Variants in BNIPL observed in about 807,000 individuals in gnomAD.
The protein encoded by BNIPL is bcl-2/adenovirus E1B 19 kDa-interacting protein 2-like protein.
A neutral mutation model predicts 47.0 loss-of-function variants in BNIPL; 33 were observed. That is an observed-to-expected ratio of 0.70 (90% CI 0.53 to 0.94). The LOEUF (loss-of-function observed/expected upper bound fraction) is 0.94. Among genes scored for constraint, BNIPL ranks in the 40% least tolerant of loss-of-function variants. The pLI is 0.00. For synonymous variants in BNIPL, 145 were observed against 162.7 expected (o/e 0.89, Z 0.83); for missense variants, 404 against 445.2 (o/e 0.91, Z 0.83).
intron 4 of BNIPL, among the ~76,000 whole-genome samples, chr1:151,040,949 G>A (rs1675800535): frequency 6.6e-6 from 1 of 152,184 alleles, no homozygotes; most frequent in African/African-American, 2.4e-5. Flanking sequence ...GGGAGGCTGA[G>A]GAGGGCAGAT....
chr1:151,045,029 C>T (rs1675959090), intron 7 of BNIPL: 38 of 1,115,000 alleles, frequency 3.4e-5, no homozygotes, highest in Non-Finnish European at 4.2e-5. Flanking sequence ...CTTTGGAAGG[C>T]CGAGGTGGGC....
rs150951979 is a variant in BNIPL, at chr1:151,043,704, G to C, written c.828G>C (p.Gln276His). 3 of 1,613,910 alleles carry C rather than the reference G, an allele frequency of 1.9e-6. No homozygotes were observed. Among genetic ancestry groups the C allele is most frequent in the African/African-American group, 1.3e-5 (1 of 74,914 alleles). The change falls in exon 7 of 10, where the codon CAG becomes CAC. Residue 276 changes from glutamine (Q) to histidine (H), a missense_variant. Physicochemically the swap from Gln to His is conservative, Grantham distance 24. Coordinates refer to ENST00000368931, the MANE Select transcript of BNIPL (RefSeq NM_138278.4). ...AQVPPLSWIR[Q>H]CYRTLDRRLR... is the part of the protein sequence containing the mutation. Reference sequence around the variant, plus strand: ...TTCCACCTCTAAGCTGGATACGTCAGTGTTACCGTACCCTGGATCGGCGGT... The same window carrying C: ...TTCCACCTCTAAGCTGGATACGTCACTGTTACCGTACCCTGGATCGGCGGT...
rs1675773543 is a variant in BNIPL at position 151,040,329 on chromosome 1, G to A, written c.433+1303G>A. The stretch of plus-strand genomic sequence containing the variant: ...CAAGTATCTGGGACTATAGGCCCAC[G>A]CCACCAAACCTGGCTAATTTTTATA... On this transcript the variant is annotated intron_variant, in intron 4 of 9. Transcript: ENST00000368931. 2.6e-5 allele frequency among the ~76,000 whole-genome samples: 4 copies of A among 151,726 alleles called. No individual in the cohort carries two copies. The South Asian group carries it at 8.3e-4, about 32-fold the overall frequency.
intron 2 of BNIPL, 99 bp from the exon 3 acceptor site, chr1:151,038,405 G>T (rs899583390): frequency 1.1e-6 from 1 of 889,080 alleles, no homozygotes; most frequent in Non-Finnish European, 1.8e-6. Context: ...AGCAGCATAG[G>T]TGATAAAATC....
Position 151,037,673 on chromosome 1 carries a change from G to A in BNIPL, c.137+11G>A. The A allele has an allele frequency of 1.3e-6, 2 of 1,580,314 alleles. No individual in the cohort carries two copies. Among genetic ancestry groups the A allele is most frequent in the Non-Finnish European group, 1.7e-6 (2 of 1,161,856 alleles). On this transcript the variant is annotated intron_variant, in intron 2 of 9. Coordinates refer to ENST00000368931, the MANE Select transcript of BNIPL (RefSeq NM_138278.4). ...TGAAGAATTCCCTAGGTGAGGACGT[G>A]TGAGGGTGGCTGGGAGAAGGGAGGG...
chr1:151,036,762 G>A lies in BNIPL; in HGVS notation c.37G>A (p.Val13Ile), dbSNP rs373482587. ...ACAAGAGGCAGGAAAAAAGACAGAT[G>A]TTGGGTAAGTAAGATCTTGGCTCAC... ...TIQEAGKKTD[V>I]GVREIAEAPE... Residue 13 changes from valine (V) to isoleucine (I), a missense_variant, in exon 1 of 10, where the codon GTT (valine) becomes ATT (isoleucine). Physicochemically the swap from Val to Ile is conservative, Grantham distance 29. Coordinates refer to ENST00000368931, the MANE Select transcript of BNIPL (RefSeq NM_138278.4). 5.6e-6 allele frequency: 9 copies of A among 1,609,216 alleles called. No homozygotes were observed. The highest frequency in any genetic ancestry group is 7.7e-6 in the Non-Finnish European group (9 of 1,175,686).
In BNIPL at chr1:151,046,855, C is replaced by T; in HGVS notation, c.*168C>T. On this transcript the variant is annotated 3_prime_UTR_variant, in exon 10 of 10. Coordinates refer to ENST00000368931, the MANE Select transcript of BNIPL (RefSeq NM_138278.4). Reference sequence around the variant, plus strand: ...TTGCATGACCCTACTTTCAGCAGGGCTTTGAGGCTGGGAAACTGATCTGCT... The same window carrying T: ...TTGCATGACCCTACTTTCAGCAGGGTTTTGAGGCTGGGAAACTGATCTGCT... 1 of 518,808 alleles carries T rather than the reference C, an allele frequency of 1.9e-6. No homozygotes were observed. Among genetic ancestry groups the T allele is most frequent in the Non-Finnish European group, 3.4e-6 (1 of 298,122 alleles). 32.1% of individuals were successfully genotyped at this position (518,808 alleles called of 1,614,324 possible).
At chr1:151,042,849 A>G (rs587693922) in intron 4 of BNIPL, 107 bp from the exon 5 acceptor site, 71 of 950,634 alleles carry the variant, frequency 7.5e-5, no homozygotes, top group Non-Finnish European at 9.9e-5. Flanking sequence ...CAAGGAAAAA[A>G]TTGAGTAATG....
In BNIPL at chr1:151,042,249, T is replaced by G. The variant is rs140758149; in HGVS notation, c.434-707T>G. On this transcript the variant is annotated intron_variant, in intron 4 of 9. Coordinates refer to ENST00000368931, the MANE Select transcript of BNIPL (RefSeq NM_138278.4). ...ATTTTGAGTTCCATTTTTTTGTTGTTGTTGTTATTGTTTTGTAATTTGTAA... is the reference window on the plus strand; with the variant it reads ...ATTTTGAGTTCCATTTTTTTGTTGTGGTTGTTATTGTTTTGTAATTTGTAA... Among the ~76,000 whole-genome samples the G allele has an allele frequency of 4.8e-3, 737 of 152,056 alleles. 12 individuals carry two copies. Among genetic ancestry groups the G allele is most frequent in the African/African-American group, 0.017 (703 of 41,494 alleles).
At chr1:151,038,406 T>G in intron 2 of BNIPL, 98 bp from the exon 3 acceptor site, 4 of 892,204 alleles carry the variant, frequency 4.5e-6, no homozygotes, top group Non-Finnish European at 3.7e-6. Flanking sequence ...GCAGCATAGG[T>G]GATAAAATCA....
rs587594579 is a variant in BNIPL at position 151,038,924 on chromosome 1, G to A, written c.331G>A (p.Ala111Thr). 2.0e-5 allele frequency: 32 copies of A among 1,613,954 alleles called. No homozygotes were observed. In the Admixed American group the frequency reaches 4.0e-4, roughly 20 times the overall value. The change falls in exon 4 of 10, where the codon GCA becomes ACA. Residue 111 changes from alanine to threonine, a missense_variant. Physicochemically the swap from Ala to Thr is moderately conservative, Grantham distance 58 (BLOSUM62 0). Coordinates refer to ENST00000368931, the MANE Select transcript of BNIPL (RefSeq NM_138278.4). ...TGATGGAGCTTCACCCACCCAGTCT[G>A]CACCTTCCTCTCCTGATGGCAGTTC... Reference protein sequence around the residue: ...GNDGASPTQSAPSSPDGSSDL... With the variant: ...GNDGASPTQSTPSSPDGSSDL...
At chr1:151,045,018 A>T (rs1227379533) in intron 7 of BNIPL, 1 of 1,186,890 alleles carries the variant, frequency 8.4e-7, no homozygotes, top group Non-Finnish European at 1.1e-6. Context: ...TAATCCCAGC[A>T]CTTTGGAAGG....
chr1:151,044,924 A>C (rs1283572058), intron 7 of BNIPL: 5 of 1,290,564 alleles, frequency 3.9e-6, no homozygotes, highest in Middle Eastern at 2.1e-4. Context: ...AGAAGCATGC[A>C]AAAGGAACTT....
chr1:151,039,910 G>A (rs1675760245), intron 4 of BNIPL, among the ~76,000 whole-genome samples: 1 of 152,040 alleles, frequency 6.6e-6, no homozygotes, highest in South Asian at 2.1e-4. Flanking sequence ...GCTATCACGT[G>A]TGGCTAATTT....
intron 2 of BNIPL, 48 bp downstream of exon 2, chr1:151,037,710 TGGAC>T: frequency 2.0e-6 from 3 of 1,492,654 alleles, no homozygotes; most frequent in Non-Finnish European, 2.7e-6. Context: ...TGGTCACGAA[TGGAC>T]GGAGGGGATG....
Position 151,047,622 on chromosome 1 carries a change from C to A in BNIPL, c.*935C>A. ...AAAGAAGTGAACGACTCTTTCACCACCCCTTGCATCCCAAACCTTCGGTTC... is the reference window on the plus strand; with the variant it reads ...AAAGAAGTGAACGACTCTTTCACCAACCCTTGCATCCCAAACCTTCGGTTC... On this transcript the variant is annotated 3_prime_UTR_variant, in exon 10 of 10. Coordinates refer to ENST00000368931, the MANE Select transcript of BNIPL (RefSeq NM_138278.4). 1 of 612,620 alleles carries A rather than the reference C, an allele frequency of 1.6e-6. No individual in the cohort carries two copies. Among genetic ancestry groups the A allele is most frequent in the Non-Finnish European group, 2.7e-6 (1 of 374,112 alleles). 37.9% of individuals were successfully genotyped at this position (612,620 alleles called of 1,614,324 possible). A position where few individuals can be genotyped will look rare whatever the true frequency, so the allele number is the denominator to read the frequency against.
Position 151,043,788 on chromosome 1 carries a change from A to G in BNIPL, c.851+61A>G, listed in dbSNP as rs931341601. ...CTCATCTTTTTTTCCCCATCTTTCT[A>G]TTATTTCTTCTTCCATTTAGTCCTT... On this transcript the variant is annotated intron_variant, in intron 7 of 9. Transcript: ENST00000368931. 1.9e-5 allele frequency: 28 copies of G among 1,510,130 alleles called. No individual in the cohort carries two copies. The Admixed American group carries it at 4.8e-4, about 26-fold the overall frequency. The allele number at this position is 1,510,130 out of a possible 1,614,324, so 93.5% of individuals were successfully genotyped here.
At chr1:151,045,266 C>CA (rs35529687) in intron 7 of BNIPL, among the ~76,000 whole-genome samples, 1,024 of 52,096 alleles carry the variant, frequency 0.02, 33 homozygotes, top group African/African-American at 0.038. Flanking sequence ...GATTCCATCT[C>CA]AAAAAAAAAA....
intron 8 of BNIPL, 31 bp from the exon 9 acceptor site, chr1:151,046,036 A>G (rs758975334): frequency 2.5e-6 from 4 of 1,614,064 alleles, no homozygotes; most frequent in Admixed American, 3.3e-5. Context: ...CTCCCAATAC[A>G]AAACACAGTT....
Sources: allele counts gnomAD v4.1 joint callset (sites outside exome capture counted in the v4.1 genomes callset), GRCh38; gene constraint gnomAD v4.1.1; transcripts MANE v1.5; gene names NCBI Gene and HGNC (gene_info 2026-07-23, HGNC 2026-07-21).